SLC25A46: variants seen among roughly 807,000 people sequenced by gnomAD.
SLC25A46 encodes the protein solute carrier family 25 member 46.
A neutral mutation model predicts 44.6 loss-of-function variants in SLC25A46; 39 were observed. That is an observed-to-expected ratio of 0.87 (90% CI 0.68 to 1.14). The LOEUF (loss-of-function observed/expected upper bound fraction) is 1.14, where lower values mean the gene tolerates loss of function less well. Among genes scored for constraint, SLC25A46 ranks in the 50% most tolerant of loss-of-function variants. The probability of loss-of-function intolerance (pLI) is 0.00; values close to 1 mark genes in which losing one functional copy is unlikely to be tolerated. For synonymous variants in SLC25A46, 202 were observed against 185.8 expected (o/e 1.09, Z -0.71); for missense variants, 547 against 522.7 (o/e 1.05, Z -0.45).
chr5:110,750,134 G>T (rs2150412270), intron 5 of SLC25A46, among the ~76,000 whole-genome samples: 1 of 151,978 alleles, frequency 6.6e-6, no homozygotes, highest in South Asian at 2.1e-4. Flanking sequence ...TTTTTCCAAT[G>T]TGATTGCTTT....
Position 110,739,265 on chromosome 5 carries a change from T to A in SLC25A46, c.146T>A (p.Ile49Asn), listed in dbSNP as rs1799540936. ...LGHWVTTPPD[I>N]PGSRNLHWGE... ...CACTGGGTGACGACTCCCCCAGATA[T>A]CCCCGGCAGCCGCAACCTGCACTGG... Residue 49 changes from isoleucine (I) to asparagine (N), a missense_variant, in exon 1 of 8, where the codon ATC (isoleucine) becomes AAC (asparagine). Transcript: ENST00000355943. The A allele has an allele frequency of 1.9e-6, 3 of 1,581,390 alleles. No homozygotes were observed. The highest frequency in any genetic ancestry group is 2.6e-6 in the Non-Finnish European group (3 of 1,164,504).
intron 2 of SLC25A46, among the ~76,000 whole-genome samples, 193 bp downstream of exon 2, chr5:110,742,282 T>A (rs1261759670): frequency 6.6e-6 from 1 of 152,138 alleles, no homozygotes; most frequent in East Asian, 1.9e-4. Flanking sequence ...GTTTTTCCAG[T>A]AAGGATAGAC....
At chr5:110,744,489 A>G (rs1389936543) in intron 3 of SLC25A46, among the ~76,000 whole-genome samples, 2 of 152,206 alleles carry the variant, frequency 1.3e-5, no homozygotes, top group East Asian at 1.9e-4. Flanking sequence ...ATATTGACCA[A>G]TTGAGTTACA....
intron 7 of SLC25A46, among the ~76,000 whole-genome samples, chr5:110,760,705 G>A (rs11948237): frequency 1.5e-3 from 221 of 152,222 alleles, no homozygotes; most frequent in African/African-American, 5.0e-3. Flanking sequence ...TGACTCCTGA[G>A]TGCCAAGCCT....
chr5:110,745,724 T>C (rs1362497666), intron 3 of SLC25A46: 1 of 152,494 alleles, frequency 6.6e-6, no homozygotes, highest in Non-Finnish European at 1.5e-5. Flanking sequence ...AACAGTGTAT[T>C]TCAGATATAT....
At position 110,739,175 on chromosome 5, in the gene SLC25A46, G is replaced by T. The variant is rs1422012692; in HGVS notation, c.56G>T (p.Arg19Leu). Residue 19 changes from arginine (R) to leucine (L), a missense_variant, in exon 1 of 8, where the codon CGG (arginine) becomes CTG (leucine). By Grantham distance (102) the Arg-to-Leu change is moderately radical. Coordinates refer to ENST00000355943, the MANE Select transcript of SLC25A46 (RefSeq NM_138773.4). ...FDGLGYRGGARDEQGFGGAFP... is the reference protein window; with the variant it reads ...FDGLGYRGGALDEQGFGGAFP... ...GGCTTGGGCTACCGGGGTGGTGCCC[G>T]GGACGAGCAGGGCTTTGGCGGCGCC... 2.6e-6 allele frequency: 4 copies of T among 1,551,158 alleles called. No homozygotes were observed. The Admixed American group carries it at 5.9e-5, about 23-fold the overall frequency.
intron 5 of SLC25A46, chr5:110,754,945 G>A (rs1800070200): frequency 6.6e-6 from 1 of 152,378 alleles, no homozygotes; most frequent in African/African-American, 2.4e-5. Context: ...CATAGTCATG[G>A]CATTTAGTAG....
chr5:110,755,186 C>T, intron 5 of SLC25A46: 2 of 218,458 alleles, frequency 9.2e-6, no homozygotes, highest in Non-Finnish European at 1.8e-5. Flanking sequence ...AATTTTCTTC[C>T]TTTAATTTCT....
Position 110,764,930 on chromosome 5 carries a change from A to G in SLC25A46, c.*3148A>G, listed in dbSNP as rs186954293. The G allele has an allele frequency of 1.3e-5, 2 of 151,900 alleles. No homozygotes were observed. The highest frequency in any genetic ancestry group is 2.9e-5 in the Non-Finnish European group (2 of 67,904). 9.4% of individuals were successfully genotyped at this position (151,900 alleles called of 1,614,324 possible). A position where few individuals can be genotyped will look rare whatever the true frequency, so the allele number is the denominator to read the frequency against. ...GTAAATAATCTCTTTTTCTCATATA[A>G]ACGGAATGCATAATGTCTTACTCTT... On this transcript the variant is annotated 3_prime_UTR_variant, in exon 8 of 8. Transcript: ENST00000355943.
chr5:110,752,802 A>G (rs577175708), intron 5 of SLC25A46, among the ~76,000 whole-genome samples: 10 of 152,310 alleles, frequency 6.6e-5, no homozygotes, highest in African/African-American at 2.4e-4. Context: ...GGGCTGGCAT[A>G]TAAAGAATTC....
At chr5:110,742,958 A>G (rs1561600244) in intron 2 of SLC25A46, among the ~76,000 whole-genome samples, 1 of 152,074 alleles carries the variant, frequency 6.6e-6, no homozygotes, top group Non-Finnish European at 1.5e-5. Flanking sequence ...AACGAAGAAA[A>G]ACACCTTATT....
At chr5:110,755,147 CTATT>C (rs1186894447) in intron 5 of SLC25A46, 1 of 186,302 alleles carries the variant, frequency 5.4e-6, no homozygotes, top group Non-Finnish European at 1.1e-5. Context: ...GTTTCCATAT[CTATT>C]CTCTTTCTTT....
At chr5:110,749,131 G>A (rs1020606716) in intron 5 of SLC25A46, among the ~76,000 whole-genome samples, 3 of 152,122 alleles carry the variant, frequency 2.0e-5, no homozygotes, top group African/African-American at 7.2e-5. Context: ...ATTGGAGATA[G>A]GAGAGAATGA....
In SLC25A46 at chr5:110,742,109, C is replaced by T. The variant is rs751750749; in HGVS notation, c.326+20C>T. The stretch of plus-strand genomic sequence containing the variant: ...TGCAAGGTAATGTTTTATCTAAAGA[C>T]GTTTACAGCTTTTATTTATTGAATT... On this transcript the variant is annotated intron_variant, in intron 2 of 7. Coordinates refer to ENST00000355943, the MANE Select transcript of SLC25A46 (RefSeq NM_138773.4). 29 of 1,496,676 alleles carry T rather than the reference C, an allele frequency of 1.9e-5. No individual in the cohort carries two copies. The highest frequency in any genetic ancestry group is 4.3e-5 in the African/African-American group (3 of 69,776). 92.7% of individuals were successfully genotyped at this position (1,496,676 alleles called of 1,614,324 possible).
chr5:110,762,906 T>C lies in SLC25A46; in HGVS notation c.*1124T>C, dbSNP rs776090096. 1 of 151,890 alleles carries C rather than the reference T, an allele frequency of 6.6e-6. No homozygotes were observed. Among genetic ancestry groups the C allele is most frequent in the African/African-American group, 2.4e-5 (1 of 41,408 alleles). 9.4% of individuals were successfully genotyped at this position (151,890 alleles called of 1,614,324 possible). A position where few individuals can be genotyped will look rare whatever the true frequency, so the allele number is the denominator to read the frequency against. ...ATGTACGTGGAGGGAAAAGCAATTA[T>C]TCTTATCACCTTTTATTTAAACTTC... On this transcript the variant is annotated 3_prime_UTR_variant, in exon 8 of 8. Coordinates refer to ENST00000355943, the MANE Select transcript of SLC25A46 (RefSeq NM_138773.4).
chr5:110,748,290 T>C, intron 5 of SLC25A46, 27 bp downstream of exon 5: 1 of 1,577,998 alleles, frequency 6.3e-7, no homozygotes, highest in Non-Finnish European at 8.7e-7. Context: ...TTCTTCAGTA[T>C]TAGTTTCATG....
chr5:110,760,969 T>C (rs1015061354), intron 7 of SLC25A46, among the ~76,000 whole-genome samples: 2 of 151,928 alleles, frequency 1.3e-5, no homozygotes, highest in African/African-American at 4.8e-5. Context: ...CACCTACACA[T>C]CTCCCCAGTC....
chr5:110,748,420 ACAT>A (rs1046187311), intron 5 of SLC25A46, among the ~76,000 whole-genome samples, 157 bp downstream of exon 5: 170 of 152,238 alleles, frequency 1.1e-3, no homozygotes, highest in African/African-American at 4.0e-3. Flanking sequence ...AATTGTGTAA[ACAT>A]CATACCCAAT....
intron 4 of SLC25A46, among the ~76,000 whole-genome samples, chr5:110,746,841 CAAAG>C (rs1429731521): frequency 1.3e-5 from 2 of 152,022 alleles, no homozygotes; most frequent in Non-Finnish European, 2.9e-5. Context: ...AGGCAGAAGA[CAAAG>C]AGAGATCATA....
Sources: gnomAD v4.1 joint callset for allele counts (sites outside exome capture counted in the v4.1 genomes callset) on GRCh38, gnomAD v4.1.1 for gene constraint, MANE v1.5 for transcripts, NCBI Gene and HGNC (gene_info 2026-07-23, HGNC 2026-07-21) for gene names.